Variants in PPFIBP2 observed in about 807,000 individuals in gnomAD.
The protein encoded by PPFIBP2 is PPFIB scaffold protein 2.
Under a neutral mutation model 118.3 loss-of-function variants are expected in PPFIBP2, and 118 were observed. The observed-to-expected ratio is 1.00, with a 90% confidence interval of 0.86 to 1.16. The LOEUF (loss-of-function observed/expected upper bound fraction) is 1.16. PPFIBP2 is among the 50% of genes most tolerant of loss of function. The pLI, the probability that PPFIBP2 is intolerant of heterozygous loss-of-function variation, is 0.00. For missense variants in PPFIBP2, 1,195 were observed against 1,073.1 expected, an observed-to-expected ratio of 1.11 and a Z score of -1.59; for synonymous variants, 414 against 397.4, an observed-to-expected ratio of 1.04 and a Z score of -0.50.
intron 5 of PPFIBP2, among the ~76,000 whole-genome samples, chr11:7,604,314 A>G (rs1847055210): frequency 6.6e-6 from 1 of 152,226 alleles, no homozygotes; most frequent in Non-Finnish European, 1.5e-5. Flanking sequence ...TGCAAGCTGC[A>G]TCTCAAAGTT....
chr11:7,544,960 A>G (rs1402741507), intron 1 of PPFIBP2, among the ~76,000 whole-genome samples: 1 of 151,876 alleles, frequency 6.6e-6, no homozygotes, highest in Admixed American at 6.6e-5. Context: ...TCCCTAGGAG[A>G]TGCTGTGTCC....
the PPFIBP2 span, chr11:7,666,631 C>G: frequency 2.0e-5 from 20 of 1,010,476 alleles, no homozygotes; most frequent in East Asian, 4.1e-4. Flanking sequence ...TCAGCATACT[C>G]CTGGCCAAAG....
intron 8 of PPFIBP2, among the ~76,000 whole-genome samples, chr11:7,626,967 C>T (rs57825255): frequency 0.074 from 11,228 of 152,290 alleles, 441 homozygotes; most frequent in Middle Eastern, 0.1. Flanking sequence ...GCCCAAGCCA[C>T]TGGGTGTGTT....
At chr11:7,549,648 G>A (rs1005562564) in intron 2 of PPFIBP2, 109 bp downstream of exon 2, 2 of 1,123,550 alleles carry the variant, frequency 1.8e-6, no homozygotes, top group African/African-American at 3.7e-5. Flanking sequence ...ATCCCCTTTT[G>A]TTATATTTAT....
At chr11:7,582,204 C>A (rs961345938) in intron 3 of PPFIBP2, among the ~76,000 whole-genome samples, 1 of 152,106 alleles carries the variant, frequency 6.6e-6, no homozygotes, top group African/African-American at 2.4e-5. Context: ...AGGATGACAT[C>A]GATCAGAACT....
intron 2 of PPFIBP2, among the ~76,000 whole-genome samples, chr11:7,562,642 T>C (rs778267745): frequency 2.6e-5 from 4 of 152,118 alleles, no homozygotes; most frequent in Non-Finnish European, 5.9e-5. Flanking sequence ...GTATCTCCCT[T>C]TGTATAGATG....
chr11:7,632,559 C>A, intron 11 of PPFIBP2: 1 of 200,636 alleles, frequency 5.0e-6, no homozygotes, highest in African/African-American at 2.3e-5. Flanking sequence ...GCTGAAGAAC[C>A]AAGATCAGAA....
At chr11:7,554,277 G>A (rs1394305188) in intron 2 of PPFIBP2, among the ~76,000 whole-genome samples, 1 of 152,124 alleles carries the variant, frequency 6.6e-6, no homozygotes, top group Non-Finnish European at 1.5e-5. Flanking sequence ...CTCCCAAATA[G>A]TAACCACTTA....
chr11:7,606,957 C>T (rs1262224315), intron 5 of PPFIBP2, among the ~76,000 whole-genome samples: 22 of 112,928 alleles, frequency 1.9e-4, no homozygotes, highest in Non-Finnish European at 3.0e-4. Flanking sequence ...GTCGCCCAGG[C>T]TGGAGTGCAG....
At chr11:7,602,087 C>CAAAAAAAAAAAAAAAAAAAA (rs201003988) in intron 5 of PPFIBP2, among the ~76,000 whole-genome samples, 1 of 56,186 alleles carries the variant, frequency 1.8e-5, no homozygotes, top group Non-Finnish European at 3.6e-5. Context: ...GAATGAAACT[C>CAAAAAAAAAAAAAAAAAAAA]AAAAAAAAAA....
intron 2 of PPFIBP2, among the ~76,000 whole-genome samples, chr11:7,554,162 A>G (rs72849067): frequency 0.049 from 7,517 of 152,282 alleles, 234 homozygotes; most frequent in African/African-American, 0.1. Flanking sequence ...CACCACTGCC[A>G]AAACACAACT....
Position 7,632,942 on chromosome 11 carries a change from G to A in PPFIBP2, c.1136+8G>A. ...GAAATCACTGGAAACCAGGTAAGAGGCCTGGGCATTTCCCCACAGCCACTG... is the reference window on the plus strand; with the variant it reads ...GAAATCACTGGAAACCAGGTAAGAGACCTGGGCATTTCCCCACAGCCACTG... On this transcript the variant is annotated splice_region_variant and intron_variant, in intron 12 of 23. Coordinates refer to ENST00000299492, the MANE Select transcript of PPFIBP2 (RefSeq NM_003621.5). 2 of 1,612,056 alleles carry A rather than the reference G, an allele frequency of 1.2e-6. No homozygotes were observed. The highest frequency in any genetic ancestry group is 1.7e-6 in the Non-Finnish European group (2 of 1,178,310).
chr11:7,515,483 A>T (rs182159004), intron 1 of PPFIBP2, among the ~76,000 whole-genome samples: 2 of 152,214 alleles, frequency 1.3e-5, no homozygotes, highest in African/African-American at 2.4e-5. Flanking sequence ...CCTGTCTTTC[A>T]TCTGAGCAGG....
At chr11:7,663,973 C>T in the PPFIBP2 span, among the ~76,000 whole-genome samples, 1 of 152,226 alleles carries the variant, frequency 6.6e-6, no homozygotes, top group Admixed American at 6.5e-5. Context: ...CCTTGTGCTT[C>T]CCAAGTGAGG....
At chr11:7,663,514 T>G in the PPFIBP2 span, among the ~76,000 whole-genome samples, 41 of 152,218 alleles carry the variant, frequency 2.7e-4, no homozygotes, top group Non-Finnish European at 2.1e-4. Flanking sequence ...TTCTCAGATC[T>G]GCAGCTGCGA....
At chr11:7,595,748 C>G (rs1392389148) in intron 4 of PPFIBP2, among the ~76,000 whole-genome samples, 1 of 152,064 alleles carries the variant, frequency 6.6e-6, no homozygotes, top group Non-Finnish European at 1.5e-5. Context: ...AGTCCTTGGC[C>G]CAGAAAGTTT....
At chr11:7,563,674 C>T (rs1297688560) in intron 2 of PPFIBP2, among the ~76,000 whole-genome samples, 3 of 152,216 alleles carry the variant, frequency 2.0e-5, no homozygotes, top group Non-Finnish European at 4.4e-5. Context: ...AATCTTTCAT[C>T]TGGTTGGCCT....
At chr11:7,652,270 ATT>A (rs1358436232) in intron 23 of PPFIBP2, among the ~76,000 whole-genome samples, 1 of 152,160 alleles carries the variant, frequency 6.6e-6, no homozygotes, top group Non-Finnish European at 1.5e-5. Context: ...AGCTGGTTCC[ATT>A]TGTCTTGTTT....
chr11:7,653,192 C>A lies in PPFIBP2; in HGVS notation c.2605C>A (p.Leu869Met). 1 of 1,614,192 alleles carries A rather than the reference C, an allele frequency of 6.2e-7. No homozygotes were observed. The highest frequency in any genetic ancestry group is 8.5e-7 in the Non-Finnish European group (1 of 1,180,040). ...CCTTGATGCCCCTGAACTGGATGGG[C>A]TGGACCAGGTGGGACAGATTAGCTG... ...SPLDAPELDG[L>M]DQVGQIS The change falls in exon 24 of 24, where the codon CTG becomes ATG. Residue 869 changes from leucine (L) to methionine (M), a missense_variant. Physicochemically the swap from Leu to Met is conservative, Grantham distance 15. Coordinates refer to ENST00000299492, the MANE Select transcript of PPFIBP2 (RefSeq NM_003621.5).
Sources: gnomAD v4.1 joint callset for allele counts (sites outside exome capture counted in the v4.1 genomes callset) on GRCh38, gnomAD v4.1.1 for gene constraint, MANE v1.5 for transcripts, NCBI Gene and HGNC (gene_info 2026-07-23, HGNC 2026-07-21) for gene names.